The following ADGRE1 variants were observed in gnomAD, a reference collection of about 807,000 sequenced individuals.
ADGRE1 encodes EGF-like module receptor 1.
In ADGRE1, 82 loss-of-function variants were observed where a neutral mutation model predicts 102.7. That is an observed-to-expected ratio of 0.80 (90% CI 0.67 to 0.96). ADGRE1 has a LOEUF of 0.96. ADGRE1 is among the 40% of genes least tolerant of loss of function. The probability of loss-of-function intolerance (pLI) is 0.00; values close to 1 mark genes in which losing one functional copy is unlikely to be tolerated. For synonymous variants in ADGRE1, 398 were observed against 399.6 expected (o/e 1.00, Z 0.05); for missense variants, 1,032 against 1,085.3 (o/e 0.95, Z 0.69).
intron 6 of ADGRE1, among the ~76,000 whole-genome samples, chr19:6,902,299 A>G (rs576182693): frequency 1.3e-5 from 2 of 152,178 alleles, no homozygotes; most frequent in Non-Finnish European, 2.9e-5. Context: ...GGCACCATTC[A>G]GTCCATAGCA....
At chr19:6,904,728 G>A (rs139165405) in intron 8 of ADGRE1, among the ~76,000 whole-genome samples, 3 of 152,086 alleles carry the variant, frequency 2.0e-5, no homozygotes, top group South Asian at 2.1e-4. Context: ...GGATGGTCTC[G>A]ATCTACTGAC....
Position 6,919,544 on chromosome 19 carries a change from G to T in ADGRE1, c.1421-4G>T, listed in dbSNP as rs752243936. ...TCCTTTTTTTCATTTGGGGAAACCTGCAGAGACCACTGGTGTGGCTTTTGT... is the reference window on the plus strand; with the variant it reads ...TCCTTTTTTTCATTTGGGGAAACCTTCAGAGACCACTGGTGTGGCTTTTGT... On this transcript the variant is annotated splice_polypyrimidine_tract_variant and splice_region_variant and intron_variant, in intron 12 of 20. Transcript: ENST00000312053. 3.1e-6 allele frequency: 5 copies of T among 1,604,876 alleles called. No homozygotes were observed. Among genetic ancestry groups the T allele is most frequent in the Non-Finnish European group, 4.3e-6 (5 of 1,175,598 alleles).
chr19:6,906,787 C>T (rs977515511), intron 9 of ADGRE1, among the ~76,000 whole-genome samples: 1 of 152,132 alleles, frequency 6.6e-6, no homozygotes, highest in Non-Finnish European at 1.5e-5. Flanking sequence ...TGCATTCCAG[C>T]TTGTGGGAAG....
rs1278362582 is a variant in ADGRE1, at chr19:6,896,506, A to G, written c.203A>G (p.Gln68Arg). 7 of 1,614,110 alleles carry G rather than the reference A, an allele frequency of 4.3e-6. No individual in the cohort carries two copies. The highest frequency in any genetic ancestry group is 5.9e-6 in the Non-Finnish European group (7 of 1,179,966). Residue 68 changes from glutamine (Q) to arginine (R), a missense_variant, in exon 3 of 21, where the codon CAA (glutamine) becomes CGA (arginine). Gln to Arg is a conservative substitution (Grantham distance 43). Transcript: ENST00000312053. ...CKQGFLSSNG[Q>R]NHFKDPGVRC... ...CAAGGCTTCCTGTCCAGCAATGGGCAAAATCACTTCAAGGATCCAGGAGTG... is the reference window on the plus strand; with the variant it reads ...CAAGGCTTCCTGTCCAGCAATGGGCGAAATCACTTCAAGGATCCAGGAGTG...
intron 17 of ADGRE1, among the ~76,000 whole-genome samples, chr19:6,932,587 A>G (rs900037368): frequency 2.0e-5 from 3 of 152,202 alleles, no homozygotes; most frequent in Non-Finnish European, 2.9e-5. Context: ...CTAAAACTCA[A>G]AGTTGATCCT....
Position 6,928,194 on chromosome 19 carries a change from G to A in ADGRE1, c.2272G>A (p.Val758Ile), listed in dbSNP as rs571838344. 36 of 1,614,174 alleles carry A rather than the reference G, an allele frequency of 2.2e-5. 1 individual carries two copies. The East Asian group carries it at 6.2e-4, about 28-fold the overall frequency. Residue 758 changes from valine to isoleucine, a missense_variant, in exon 17 of 21, where the codon GTT (valine) becomes ATT (isoleucine). Val to Ile is a conservative substitution (Grantham distance 29). Coordinates refer to ENST00000312053, the MANE Select transcript of ADGRE1 (RefSeq NM_001974.5). ...TGFIWSFLGP[V>I]CTVIVINSLL... The stretch of plus-strand genomic sequence containing the variant: ...GTTCATCTGGAGTTTCTTGGGGCCA[G>A]TTTGCACAGTTATAGTGGTAAGCAA...
At chr19:6,889,933 T>G (rs1385604103) in intron 1 of ADGRE1, among the ~76,000 whole-genome samples, 1 of 150,134 alleles carries the variant, frequency 6.7e-6, no homozygotes, top group Non-Finnish European at 1.5e-5. Context: ...AGCTAGAACT[T>G]TTTTTTTTAG....
At chr19:6,894,539 G>A (rs1973483895) in intron 2 of ADGRE1, among the ~76,000 whole-genome samples, 2 of 152,168 alleles carry the variant, frequency 1.3e-5, no homozygotes, top group Non-Finnish European at 2.9e-5. Context: ...AAGGCCCTGT[G>A]GTAGGAAGGC....
rs140779395 is a variant in ADGRE1, at chr19:6,928,258, A to T, written c.2289+47A>T. 0.012 allele frequency: 19,002 copies of T among 1,613,886 alleles called. 153 individuals carry two copies. Among genetic ancestry groups the T allele is most frequent in the Middle Eastern group, 0.024 (144 of 6,062 alleles). Reference sequence around the variant, plus strand: ...CTGGCGAAGTGTGTTCTGAAGGAGGAGCAAGGAGACCTGCGAGATCTGGAA... The same window carrying T: ...CTGGCGAAGTGTGTTCTGAAGGAGGTGCAAGGAGACCTGCGAGATCTGGAA... On this transcript the variant is annotated intron_variant, in intron 17 of 20. Coordinates refer to ENST00000312053, the MANE Select transcript of ADGRE1 (RefSeq NM_001974.5).
At chr19:6,938,715 T>G (rs1256813213) in intron 20 of ADGRE1, among the ~76,000 whole-genome samples, 1 of 152,048 alleles carries the variant, frequency 6.6e-6, no homozygotes, top group African/African-American at 2.4e-5. Context: ...CATAGCAGGA[T>G]CTCAGTGTTA....
chr19:6,911,664 T>C (rs1340744389), intron 10 of ADGRE1, among the ~76,000 whole-genome samples: 3 of 150,190 alleles, frequency 2.0e-5, no homozygotes, highest in East Asian at 3.9e-4. Flanking sequence ...CGCACACACA[T>C]ACACATACAT....
At chr19:6,936,052 T>C (rs1008901630) in intron 18 of ADGRE1, among the ~76,000 whole-genome samples, 1 of 152,240 alleles carries the variant, frequency 6.6e-6, no homozygotes, top group African/African-American at 2.4e-5. Context: ...CTAGGTTTTA[T>C]TGTCAGTAAC....
At position 6,906,296 on chromosome 19, in the gene ADGRE1, G is replaced by T; in HGVS notation, c.950-137G>T. The T allele has an allele frequency of 4.4e-6, 3 of 679,884 alleles. No individual in the cohort carries two copies. The South Asian group carries it at 5.9e-5, about 13-fold the overall frequency. 42.1% of individuals were successfully genotyped at this position (679,884 alleles called of 1,614,324 possible). ...ATGTTGTAGTGTGTAGTTGTGGTTT[G>T]TTCATTTTCCCCCTTGTGTATTAGG... On this transcript the variant is annotated intron_variant, in intron 8 of 20. Coordinates refer to ENST00000312053, the MANE Select transcript of ADGRE1 (RefSeq NM_001974.5).
At chr19:6,916,409 C>A (rs1238454385) in intron 12 of ADGRE1, 41 bp downstream of exon 12, 1 of 1,588,328 alleles carries the variant, frequency 6.3e-7, no homozygotes, top group Non-Finnish European at 8.6e-7. Flanking sequence ...TGGTGTATTC[C>A]ATCAATAAGT....
intron 18 of ADGRE1, among the ~76,000 whole-genome samples, chr19:6,936,442 A>AAT (rs1975405995): frequency 6.6e-6 from 1 of 151,570 alleles, no homozygotes; most frequent in African/African-American, 2.4e-5. Context: ...TCTCCAAAAA[A>AAT]AAAAAAAGAC....
At chr19:6,918,616 G>C (rs191658579) in intron 12 of ADGRE1, among the ~76,000 whole-genome samples, 167 of 152,326 alleles carry the variant, frequency 1.1e-3, no homozygotes, top group South Asian at 2.7e-3. Flanking sequence ...GACTGAAACA[G>C]AATAACCATA....
chr19:6,927,056 T>G (rs1974946406), intron 16 of ADGRE1, among the ~76,000 whole-genome samples: 1 of 146,284 alleles, frequency 6.8e-6, no homozygotes, highest in African/African-American at 2.6e-5. Context: ...CGAGACTTCA[T>G]CTCAGAAAAA....
chr19:6,901,830 G>A, intron 5 of ADGRE1, 45 bp from the exon 6 acceptor site: 2 of 1,606,082 alleles, frequency 1.2e-6, no homozygotes, highest in African/African-American at 2.7e-5. Context: ...TCTACTCCTT[G>A]CTTTCTCATT....
intron 1 of ADGRE1, among the ~76,000 whole-genome samples, chr19:6,889,698 A>G (rs1973283976): frequency 6.6e-6 from 1 of 150,946 alleles, no homozygotes; most frequent in Non-Finnish European, 1.5e-5. Context: ...AAAAAAAAAA[A>G]AAAAAAAAAA....
Sources: allele counts gnomAD v4.1 joint callset (sites outside exome capture counted in the v4.1 genomes callset), GRCh38; gene constraint gnomAD v4.1.1; transcripts MANE v1.5; gene names NCBI Gene and HGNC (gene_info 2026-07-23, HGNC 2026-07-21).